Variants in MYO9A observed in about 807,000 individuals in gnomAD.
MYO9A encodes the protein unconventional myosin-IXa.
Under a neutral mutation model 293.3 loss-of-function variants are expected in MYO9A, and 103 were observed. That is an observed-to-expected ratio of 0.35 (90% CI 0.30 to 0.41). The LOEUF is 0.41. Among genes scored for constraint, MYO9A ranks in the 10% least tolerant of loss-of-function variants. The pLI, the probability that MYO9A is intolerant of heterozygous loss-of-function variation, is 1.00. For missense variants in MYO9A, 2,685 were observed against 3,033.0 expected (o/e 0.89, Z 2.69); for synonymous variants, 1,001 against 1,035.7 (o/e 0.97, Z 0.64).
chr15:72,042,164 G>C (rs1485742684), intron 2 of MYO9A, among the ~76,000 whole-genome samples: 1 of 141,714 alleles, frequency 7.1e-6, no homozygotes, highest in Non-Finnish European at 1.5e-5. Context: ...TGTTAGGCAT[G>C]ATGGTGCAAG....
intron 17 of MYO9A, 73 bp downstream of exon 17, chr15:71,935,268 T>A: frequency 7.0e-7 from 1 of 1,432,900 alleles, no homozygotes; most frequent in South Asian, 1.5e-5. Context: ...TCTTCATTTT[T>A]TTCTGCCAGA....
chr15:71,825,452 TAGTC>T lies in MYO9A; in HGVS notation c.*1124_*1127del, dbSNP rs1366056173. On this transcript the variant is annotated 3_prime_UTR_variant, in exon 42 of 42. Transcript: ENST00000356056. ...TTTTTTTCCATCTATTTAATACTGA[TAGTC>T]TGAGAAAAGGAAGATAAAAGTTAGT... 6.6e-6 allele frequency: 1 copy of T among 152,156 alleles called. No homozygotes were observed. Among genetic ancestry groups the T allele is most frequent in the East Asian group, 1.9e-4 (1 of 5,180 alleles). 9.4% of individuals were successfully genotyped at this position (152,156 alleles called of 1,614,324 possible).
chr15:72,057,033 G>A (rs1406526912), intron 1 of MYO9A, among the ~76,000 whole-genome samples: 1 of 152,146 alleles, frequency 6.6e-6, no homozygotes, highest in Non-Finnish European at 1.5e-5. Flanking sequence ...CTTGAACCTG[G>A]GAGGCGGAGG....
Position 71,830,317 on chromosome 15 carries a change from G to A in MYO9A, c.6838-6C>T. The A allele has an allele frequency of 6.2e-7, 1 of 1,612,674 alleles. No homozygotes were observed. The highest frequency in any genetic ancestry group is 8.5e-7 in the Non-Finnish European group (1 of 1,179,722). ...CGACGAATACGCCCCTTTCCCTGCA[G>A]AGAAAAATTCATGTTAGAAAGTAAA... is the stretch of plus-strand genomic sequence containing the variant. On this transcript the variant is annotated splice_polypyrimidine_tract_variant and splice_region_variant and intron_variant, in intron 39 of 41. Coordinates refer to ENST00000356056, the MANE Select transcript of MYO9A (RefSeq NM_006901.4).
chr15:71,938,776 A>C, intron 16 of MYO9A, 76 bp downstream of exon 16: 1 of 1,311,234 alleles, frequency 7.6e-7, no homozygotes. Flanking sequence ...CAAACTTTTA[A>C]AGTCACAAAA....
intron 39 of MYO9A, among the ~76,000 whole-genome samples, chr15:71,843,881 G>A (rs1162869175): frequency 5.9e-5 from 9 of 152,140 alleles, no homozygotes; most frequent in Admixed American, 4.6e-4. Context: ...ATAAATATAA[G>A]ATATAAAGCA....
intron 36 of MYO9A, among the ~76,000 whole-genome samples, chr15:71,851,610 T>C (rs1294526338): frequency 6.6e-6 from 1 of 152,216 alleles, no homozygotes; most frequent in Admixed American, 6.5e-5. Context: ...AGAGATGTTC[T>C]AGTTTTTCAG....
intron 1 of MYO9A, among the ~76,000 whole-genome samples, chr15:72,061,038 C>T (rs1476550482): frequency 5.3e-5 from 8 of 152,138 alleles, no homozygotes; most frequent in Admixed American, 5.2e-4. Flanking sequence ...CCATTCCAGG[C>T]TCTACATCCC....
chr15:72,051,622 C>G (rs1254620370), intron 1 of MYO9A, among the ~76,000 whole-genome samples: 1 of 152,202 alleles, frequency 6.6e-6, no homozygotes, highest in East Asian at 1.9e-4. Context: ...GCACCCACTC[C>G]AATCTCAGAG....
intron 3 of MYO9A, among the ~76,000 whole-genome samples, chr15:72,028,327 T>G (rs942232659): frequency 6.7e-6 from 1 of 150,242 alleles, no homozygotes; most frequent in Admixed American, 6.6e-5. Context: ...GAGTCTTTTT[T>G]CTTTCACTAA....
chr15:72,003,085 T>C (rs1357752090), intron 8 of MYO9A, among the ~76,000 whole-genome samples: 7 of 150,322 alleles, frequency 4.7e-5, no homozygotes, highest in African/African-American at 1.2e-4. Flanking sequence ...GCCTGACCAA[T>C]ATGGAGAAAC....
intron 18 of MYO9A, among the ~76,000 whole-genome samples, chr15:71,930,031 T>C (rs2058431379): frequency 6.6e-6 from 1 of 152,158 alleles, no homozygotes; most frequent in African/African-American, 2.4e-5. Context: ...ATTTAAATGT[T>C]TGGTAGTGTT....
At chr15:72,042,894 C>T (rs920805614) in intron 2 of MYO9A, among the ~76,000 whole-genome samples, 13 of 151,600 alleles carry the variant, frequency 8.6e-5, no homozygotes, top group African/African-American at 3.2e-4. Flanking sequence ...AGTGAGACCT[C>T]GTCTCTACTA....
At chr15:71,949,421 G>GC (rs1340981185) in intron 15 of MYO9A, among the ~76,000 whole-genome samples, 2 of 133,530 alleles carry the variant, frequency 1.5e-5, no homozygotes, top group South Asian at 2.4e-4. Context: ...GTGTTTTTTT[G>GC]TTTTTTTTTT....
At chr15:72,051,572 G>C (rs948011002) in intron 1 of MYO9A, among the ~76,000 whole-genome samples, 1 of 152,140 alleles carries the variant, frequency 6.6e-6, no homozygotes, top group Non-Finnish European at 1.5e-5. Flanking sequence ...TGCAGGCTCA[G>C]AGGTGTTTGC....
chr15:72,031,107 A>T (rs1490863107), intron 3 of MYO9A, among the ~76,000 whole-genome samples: 1 of 152,200 alleles, frequency 6.6e-6, no homozygotes, highest in Non-Finnish European at 1.5e-5. Flanking sequence ...GATATATGTA[A>T]CAAGCTTGAA....
chr15:71,933,942 T>A (rs2058554760), intron 17 of MYO9A, among the ~76,000 whole-genome samples: 1 of 152,092 alleles, frequency 6.6e-6, no homozygotes, highest in South Asian at 2.1e-4. Flanking sequence ...ATAAACAGAT[T>A]TACACCTGAT....
intron 15 of MYO9A, among the ~76,000 whole-genome samples, chr15:71,951,350 T>A (rs759763037): frequency 6.6e-6 from 1 of 152,188 alleles, no homozygotes; most frequent in Admixed American, 6.5e-5. Context: ...GATAATTTCA[T>A]GGGTGCCTAC....
In MYO9A at chr15:71,897,789, T is replaced by C. The variant is rs2057373300; in HGVS notation, c.4714A>G (p.Asn1572Asp). ...TTTAATGATAGGGACCCCAGTACATTAAGTTCTCCCTTATTTGAGGTATTT... is the reference window on the plus strand; with the variant it reads ...TTTAATGATAGGGACCCCAGTACATCAAGTTCTCCCTTATTTGAGGTATTT... ...SLNTSNKGEL[N>D]VLGSLSLKDA... Residue 1572 changes from asparagine to aspartate, a missense_variant, in exon 25 of 42, where the codon AAT becomes GAT. Transcript: ENST00000356056. 6.2e-7 allele frequency: 1 copy of C among 1,614,062 alleles called. No individual in the cohort carries two copies. The highest frequency in any genetic ancestry group is 8.5e-7 in the Non-Finnish European group (1 of 1,180,004).
Sources: gnomAD v4.1 joint callset for allele counts (sites outside exome capture counted in the v4.1 genomes callset) on GRCh38, gnomAD v4.1.1 for gene constraint, MANE v1.5 for transcripts, NCBI Gene and HGNC (gene_info 2026-07-23, HGNC 2026-07-21) for gene names.